ARHGAP32: variants seen among roughly 807,000 people sequenced by gnomAD.
ARHGAP32 encodes Rho GTPase activating protein 32, also known as rho GTPase-activating protein 32.
In ARHGAP32, 51 loss-of-function variants were observed where a neutral mutation model predicts 186.5. The observed-to-expected ratio is 0.27, with a 90% CI of 0.22 to 0.35. The LOEUF is 0.35. Among genes scored for constraint, ARHGAP32 ranks in the 10% least tolerant of loss-of-function variants. ARHGAP32 has a pLI of 1.00. For missense variants in ARHGAP32, 2,186 were observed against 2,623.5 expected, an observed-to-expected ratio of 0.83 and a Z score of 3.64; for synonymous variants, 950 against 964.3, an observed-to-expected ratio of 0.99 and a Z score of 0.27.
chr11:129,072,597 AC>A (rs1183725393), intron 6 of ARHGAP32, among the ~76,000 whole-genome samples: 1 of 152,198 alleles, frequency 6.6e-6, no homozygotes, highest in Non-Finnish European at 1.5e-5. Flanking sequence ...AATTGCACTT[AC>A]CCACAGCAGA....
chr11:129,086,491 G>C (rs903626612), intron 6 of ARHGAP32, among the ~76,000 whole-genome samples: 6 of 152,122 alleles, frequency 3.9e-5, no homozygotes, highest in Non-Finnish European at 7.4e-5. Context: ...AAGAGAATGA[G>C]AACATAAGCC....
intron 2 of ARHGAP32, among the ~76,000 whole-genome samples, chr11:129,141,672 T>C (rs1345739262): frequency 6.6e-6 from 1 of 151,314 alleles, no homozygotes; most frequent in Non-Finnish European, 1.5e-5. Context: ...ATACTATGTG[T>C]ATTTTATTAC....
chr11:129,043,490 G>A (rs142818048), intron 10 of ARHGAP32, among the ~76,000 whole-genome samples: 391 of 146,108 alleles, frequency 2.7e-3, no homozygotes, highest in African/African-American at 9.3e-3. Context: ...AGGTTCAAAC[G>A]ATTCTCCTGC....
At chr11:129,151,510 A>G (rs969063205) in intron 2 of ARHGAP32, among the ~76,000 whole-genome samples, 2 of 152,184 alleles carry the variant, frequency 1.3e-5, no homozygotes, top group Non-Finnish European at 2.9e-5. Flanking sequence ...TCTAAATTAT[A>G]TCAAGTATCC....
upstream of ARHGAP32, among the ~76,000 whole-genome samples, chr11:129,196,347 T>C (rs1012611689): frequency 3.9e-5 from 6 of 152,204 alleles, no homozygotes; most frequent in East Asian, 1.2e-3. Flanking sequence ...CTATCTGTAT[T>C]GAACATGTAC....
exon 1 of ARHGAP32, chr11:129,279,299 G>C (rs1945580350): frequency 7.0e-6 from 1 of 143,692 alleles, no homozygotes; most frequent in Admixed American, 6.9e-5. Flanking sequence ...TGGCCGCCGA[G>C]GGCAGCCGCG....
In ARHGAP32 at chr11:129,064,765, A is replaced by T. The variant is rs946659714; in HGVS notation, c.762+76T>A. 4.2e-6 allele frequency: 5 copies of T among 1,184,002 alleles called. No individual in the cohort carries two copies. In the African/African-American group the frequency reaches 6.1e-5, roughly 14 times the overall value. The allele number at this position is 1,184,002 out of a possible 1,614,324, so 73.3% of individuals were successfully genotyped here. A position where few individuals can be genotyped will look rare whatever the true frequency, so the allele number is the denominator to read the frequency against. ...GATTCCTGAAGCTCAATAGACATCA[A>T]AATTATGTTAATATCAAATTTCTTA... On this transcript the variant is annotated intron_variant, in intron 8 of 22. Transcript: ENST00000682385.
intron 1 of ARHGAP32, among the ~76,000 whole-genome samples, chr11:129,219,368 A>G (rs770607766): frequency 1.3e-5 from 2 of 152,172 alleles, no homozygotes; most frequent in Non-Finnish European, 2.9e-5. Context: ...TTTACAAAGC[A>G]TATCTTTTCC....
intron 10 of ARHGAP32, among the ~76,000 whole-genome samples, chr11:129,056,584 T>C (rs1170662235): frequency 6.6e-6 from 1 of 152,106 alleles, no homozygotes; most frequent in African/African-American, 2.4e-5. Flanking sequence ...ACCACCACTA[T>C]ATAGCATGAG....
At chr11:129,042,987 G>A (rs1939658397) in intron 10 of ARHGAP32, among the ~76,000 whole-genome samples, 1 of 152,132 alleles carries the variant, frequency 6.6e-6, no homozygotes, top group South Asian at 2.1e-4. Context: ...TCCACAAAGT[G>A]GTGTGTTTCA....
chr11:129,198,642 G>A (rs1346244817), intron 1 of ARHGAP32, among the ~76,000 whole-genome samples: 1 of 152,154 alleles, frequency 6.6e-6, no homozygotes, highest in Non-Finnish European at 1.5e-5. Context: ...CCCCATGCAT[G>A]TGGAACTGTG....
intron 2 of ARHGAP32, among the ~76,000 whole-genome samples, chr11:129,144,029 T>C (rs1008101523): frequency 2.6e-5 from 4 of 152,222 alleles, no homozygotes; most frequent in African/African-American, 9.6e-5. Context: ...AACTGTGTTA[T>C]ATTATTTTGA....
rs546751336 is a variant in ARHGAP32 at position 129,105,608 on chromosome 11, G to GA, written c.445-11902dup. Among the ~76,000 whole-genome samples the GA allele has an allele frequency of 1.1e-3, 168 of 149,238 alleles. 2 individuals are homozygous for GA. In the South Asian group the frequency reaches 0.021, roughly 18 times the overall value. On this transcript the variant is annotated intron_variant, in intron 5 of 22. Coordinates refer to ENST00000682385, the MANE Select transcript of ARHGAP32 (RefSeq NM_001378024.1). ...ATACAGTCTTCACTAAAACAGTTTG[G>GA]AAAAAAAAATCACCAAACAAACCGC...
At chr11:129,010,315 T>C (rs1427272765) in intron 11 of ARHGAP32, among the ~76,000 whole-genome samples, 1 of 152,252 alleles carries the variant, frequency 6.6e-6, no homozygotes, top group African/African-American at 2.4e-5. Flanking sequence ...CATTGGTCAA[T>C]TTTTGCTTTT....
intron 2 of ARHGAP32, among the ~76,000 whole-genome samples, chr11:129,155,663 C>T (rs1943385769): frequency 1.3e-5 from 2 of 151,110 alleles, no homozygotes; most frequent in African/African-American, 2.4e-5. Context: ...GTGAGTTTAT[C>T]AAATCACATT....
chr11:129,241,242 G>C (rs1433566147), intron 1 of ARHGAP32, among the ~76,000 whole-genome samples: 1 of 152,048 alleles, frequency 6.6e-6, no homozygotes, highest in Non-Finnish European at 1.5e-5. Flanking sequence ...ATAGATACAT[G>C]GTAACTTACA....
At chr11:129,087,450 G>A (rs1941440803) in intron 6 of ARHGAP32, among the ~76,000 whole-genome samples, 1 of 152,124 alleles carries the variant, frequency 6.6e-6, no homozygotes, top group Admixed American at 6.5e-5. Flanking sequence ...AAGACATGTA[G>A]GAAATTCAAA....
At chr11:129,030,700 C>T (rs956782380) in intron 11 of ARHGAP32, 1 of 152,188 alleles carries the variant, frequency 6.6e-6, no homozygotes, top group Non-Finnish European at 1.5e-5. Context: ...CACCATGGTT[C>T]TGTGAAAACT....
chr11:129,226,459 C>T (rs1017176312), intron 1 of ARHGAP32, among the ~76,000 whole-genome samples: 9 of 152,070 alleles, frequency 5.9e-5, no homozygotes, highest in African/African-American at 1.2e-4. Context: ...AGTAGAATTA[C>T]GTATTCAAAG....
Sources: gnomAD v4.1 joint callset for allele counts (sites outside exome capture counted in the v4.1 genomes callset) on GRCh38, gnomAD v4.1.1 for gene constraint, MANE v1.5 for transcripts, NCBI Gene and HGNC (gene_info 2026-07-23, HGNC 2026-07-21) for gene names.